SUMF1: variants seen among roughly 807,000 people sequenced by gnomAD.
SUMF1 encodes sulfatase modifying factor 1, also known as formylglycine-generating enzyme.
A neutral mutation model predicts 47.6 loss-of-function variants in SUMF1; 48 were observed. That is an observed-to-expected ratio of 1.01 (90% CI 0.80 to 1.28). The LOEUF (loss-of-function observed/expected upper bound fraction) is 1.28. Among genes scored for constraint, SUMF1 ranks in the 50% most tolerant of loss-of-function variants. The probability of loss-of-function intolerance (pLI) is 0.00; values close to 1 mark genes in which losing one functional copy is unlikely to be tolerated. For missense variants in SUMF1, 571 were observed against 485.4 expected (o/e 1.18, Z -1.66); for synonymous variants, 230 against 192.1 (o/e 1.20, Z -1.63).
intron 3 of SUMF1, among the ~76,000 whole-genome samples, chr3:4,436,235 C>T (rs1019221353): frequency 2.0e-5 from 3 of 152,134 alleles, no homozygotes; most frequent in African/African-American, 7.2e-5. Context: ...ACAACTCTAA[C>T]ACAGGGGATG....
At chr3:4,042,492 AT>A (rs1694926175) in intron 9 of SUMF1, among the ~76,000 whole-genome samples, 1 of 152,214 alleles carries the variant, frequency 6.6e-6, no homozygotes. Flanking sequence ...ACACAAAAGA[AT>A]ACCTTTGCAA....
chr3:4,143,623 T>C (rs1048127395), intron 8 of SUMF1, among the ~76,000 whole-genome samples: 4 of 152,188 alleles, frequency 2.6e-5, no homozygotes, highest in African/African-American at 9.7e-5. Context: ...TCTGTGTATG[T>C]AGACTAGTTG....
chr3:4,247,542 A>C lies in SUMF1; in HGVS notation c.1014+128788T>G, dbSNP rs908047776. Among the ~76,000 whole-genome samples, 7 of 152,162 alleles carry C rather than the reference A, an allele frequency of 4.6e-5. No homozygotes were observed. The South Asian group carries it at 8.3e-4, about 18-fold the overall frequency. ...ACTACAGTAGATTAGTACTACAAAGAAGGGAAAGAGGGGGTAAGAAGCCCA... is the reference window on the plus strand; with the variant it reads ...ACTACAGTAGATTAGTACTACAAAGCAGGGAAAGAGGGGGTAAGAAGCCCA... On this transcript the variant is annotated intron_variant and NMD_transcript_variant, in intron 8 of 12. Coordinates refer to the SUMF1 transcript ENST00000448413.
chr3:4,210,712 C>T (rs961473378), intron 8 of SUMF1, among the ~76,000 whole-genome samples: 1 of 151,952 alleles, frequency 6.6e-6, no homozygotes, highest in African/African-American at 2.4e-5. Context: ...TTTCATCACC[C>T]CATGTGATGG....
chr3:4,213,464 A>C (rs1351835684), intron 8 of SUMF1, among the ~76,000 whole-genome samples: 1 of 152,192 alleles, frequency 6.6e-6, no homozygotes, highest in Non-Finnish European at 1.5e-5. Flanking sequence ...AAACAAACCA[A>C]AATATAAAGA....
At chr3:4,067,849 C>A (rs962788395) in intron 9 of SUMF1, among the ~76,000 whole-genome samples, 2 of 152,108 alleles carry the variant, frequency 1.3e-5, no homozygotes, top group Non-Finnish European at 2.9e-5. Flanking sequence ...ATAGGTCATC[C>A]CCCCAGAGCA....
At chr3:4,093,479 G>C (rs1692833381) in intron 8 of SUMF1, among the ~76,000 whole-genome samples, 1 of 152,006 alleles carries the variant, frequency 6.6e-6, no homozygotes, top group Non-Finnish European at 1.5e-5. Context: ...TGGGGAGAAG[G>C]AAAGGAGGAG....
intron 8 of SUMF1, among the ~76,000 whole-genome samples, chr3:4,320,963 A>G (rs893447153): frequency 2.6e-5 from 4 of 152,150 alleles, no homozygotes; most frequent in African/African-American, 9.7e-5. Context: ...TTAAAGGACC[A>G]TACGTTGGGG....
chr3:4,296,382 T>G (rs1697851985), intron 8 of SUMF1, among the ~76,000 whole-genome samples: 1 of 151,912 alleles, frequency 6.6e-6, no homozygotes, highest in East Asian at 1.9e-4. Context: ...TATACAGAGC[T>G]GTATGAGTCT....
At position 4,361,988 on chromosome 3, in the gene SUMF1, T is replaced by G; in HGVS notation, c.*156A>C. On this transcript the variant is annotated 3_prime_UTR_variant, in exon 9 of 9. Transcript: ENST00000272902. ...CACATGCACTGACCCAGGTCAGCAA[T>G]TTGGTCTCACAAGGCGGTTCCTTTG... The G allele has an allele frequency of 1.5e-6, 1 of 659,896 alleles. No individual in the cohort carries two copies. 40.9% of individuals were successfully genotyped at this position (659,896 alleles called of 1,614,324 possible). A position where few individuals can be genotyped will look rare whatever the true frequency, so the allele number is the denominator to read the frequency against.
intron 8 of SUMF1, among the ~76,000 whole-genome samples, chr3:4,259,863 G>C (rs1042372991): frequency 1.3e-5 from 2 of 149,216 alleles, no homozygotes; most frequent in African/African-American, 4.9e-5. Context: ...TTACTACTTA[G>C]AAACTATTAC....
At chr3:4,078,234 A>G (rs764334016) in intron 8 of SUMF1, among the ~76,000 whole-genome samples, 2 of 152,110 alleles carry the variant, frequency 1.3e-5, no homozygotes, top group Non-Finnish European at 2.9e-5. Context: ...TCAAAATCAA[A>G]CTATGCAGAT....
intron 8 of SUMF1, among the ~76,000 whole-genome samples, chr3:4,097,966 C>A (rs1692943532): frequency 6.6e-6 from 1 of 152,136 alleles, no homozygotes; most frequent in South Asian, 2.1e-4. Context: ...CTGATCAACA[C>A]CCTGACTACT....
At chr3:4,329,204 C>A (rs1575102705) in intron 8 of SUMF1, among the ~76,000 whole-genome samples, 3 of 152,184 alleles carry the variant, frequency 2.0e-5, no homozygotes, top group Admixed American at 2.0e-4. Context: ...ATTCTGGGGT[C>A]TGGAGGACGG....
intron 8 of SUMF1, among the ~76,000 whole-genome samples, chr3:4,086,018 T>C (rs1017695379): frequency 2.0e-5 from 3 of 152,182 alleles, no homozygotes. Context: ...AAGCAATCTA[T>C]GCATCCCCTG....
At chr3:4,234,212 T>G (rs1333369088) in intron 8 of SUMF1, among the ~76,000 whole-genome samples, 4 of 152,016 alleles carry the variant, frequency 2.6e-5, no homozygotes, top group African/African-American at 9.7e-5. Context: ...TTTCCTCACT[T>G]TTAAAGTCAG....
At chr3:4,173,034 G>C (rs969085410) in intron 8 of SUMF1, among the ~76,000 whole-genome samples, 1 of 152,114 alleles carries the variant, frequency 6.6e-6, no homozygotes, top group African/African-American at 2.4e-5. Context: ...TCTGTATAAG[G>C]TGTAAGGAAG....
At chr3:4,127,388 A>G (rs193176120) in intron 8 of SUMF1, among the ~76,000 whole-genome samples, 38 of 152,264 alleles carry the variant, frequency 2.5e-4, no homozygotes, top group African/African-American at 8.4e-4. Flanking sequence ...GGAGATTAAC[A>G]TTTGAGTCAG....
chr3:4,387,052 G>A (rs976426602), intron 7 of SUMF1, among the ~76,000 whole-genome samples: 2 of 151,932 alleles, frequency 1.3e-5, no homozygotes, highest in African/African-American at 2.4e-5. Flanking sequence ...TTCACCTGTA[G>A]TAACCTTCTA....
Sources: gnomAD v4.1 joint callset for allele counts (sites outside exome capture counted in the v4.1 genomes callset) on GRCh38, gnomAD v4.1.1 for gene constraint, MANE v1.5 for transcripts, NCBI Gene and HGNC (gene_info 2026-07-23, HGNC 2026-07-21) for gene names.